HPSE2: variants seen among roughly 807,000 people sequenced by gnomAD.
HPSE2 encodes inactive heparanase-2.
HPSE2 carries 38 observed loss-of-function variants against 60.5 expected under a neutral mutation model. The observed-to-expected ratio is 0.63, with a 90% CI of 0.48 to 0.82. The LOEUF is 0.82. HPSE2 is among the 40% of genes least tolerant of loss of function. HPSE2 has a pLI of 0.00. For missense variants in HPSE2, 713 were observed against 740.4 expected, an observed-to-expected ratio of 0.96 and a Z score of 0.43; for synonymous variants, 295 against 293.2, an observed-to-expected ratio of 1.01 and a Z score of -0.06.
At chr10:98,470,863 C>T (rs1429051763) in intron 11 of HPSE2, among the ~76,000 whole-genome samples, 1 of 152,104 alleles carries the variant, frequency 6.6e-6, no homozygotes, top group Non-Finnish European at 1.5e-5. Flanking sequence ...TGGGAGTGAA[C>T]TGGAGGAAAA....
intron 3 of HPSE2, among the ~76,000 whole-genome samples, chr10:98,889,569 AAGACCAAATG>A (rs1443520563): frequency 1.3e-5 from 2 of 152,124 alleles, no homozygotes; most frequent in Non-Finnish European, 2.9e-5. Context: ...TCTATTGGCA[AAGACCAAATG>A]AGAGCAAGAA....
At chr10:98,701,498 G>T (rs1299538355) in intron 5 of HPSE2, among the ~76,000 whole-genome samples, 2 of 109,872 alleles carry the variant, frequency 1.8e-5, no homozygotes, top group Admixed American at 1.1e-4. Context: ...TGTGGGGTGG[G>T]GGGAGGGGGG....
At chr10:98,644,033 A>G (rs897559934) in intron 6 of HPSE2, among the ~76,000 whole-genome samples, 1 of 152,206 alleles carries the variant, frequency 6.6e-6, no homozygotes, top group Non-Finnish European at 1.5e-5. Flanking sequence ...GTAATTTTTC[A>G]GTAGGTAGGA....
At chr10:98,517,960 CTTGA>C (rs1942657278) in intron 9 of HPSE2, among the ~76,000 whole-genome samples, 1 of 152,216 alleles carries the variant, frequency 6.6e-6, no homozygotes, top group South Asian at 2.1e-4. Context: ...TCCTTCAATG[CTTGA>C]TTATTACCCA....
intron 3 of HPSE2, among the ~76,000 whole-genome samples, chr10:99,044,389 C>T (rs1957808210): frequency 6.6e-6 from 1 of 152,186 alleles, no homozygotes; most frequent in Non-Finnish European, 1.5e-5. Flanking sequence ...ACAACACCTG[C>T]TACCACATAA....
rs571092988 is a variant in HPSE2 at position 98,482,510 on chromosome 10, G to A, written c.1613+126C>T. 93 of 1,170,786 alleles carry A rather than the reference G, an allele frequency of 7.9e-5. 1 individual carries two copies. The African/African-American group carries it at 8.7e-4, about 11-fold the overall frequency. 72.5% of individuals were successfully genotyped at this position (1,170,786 alleles called of 1,614,324 possible). On this transcript the variant is annotated intron_variant, in intron 11 of 11. Coordinates refer to ENST00000370552, the MANE Select transcript of HPSE2 (RefSeq NM_021828.5). ...GTCAGCAGTCACCTGACCCCAGACC[G>A]CTCTTTGTCCTACTCCATCCCACTG...
intron 3 of HPSE2, among the ~76,000 whole-genome samples, chr10:98,756,223 G>A (rs186635646): frequency 6.6e-6 from 1 of 152,086 alleles, no homozygotes; most frequent in Admixed American, 6.5e-5. Flanking sequence ...GAAAAAGGTA[G>A]AAATGCCTCA....
intron 3 of HPSE2, among the ~76,000 whole-genome samples, chr10:99,132,218 AGAGAGAGAGAGAGAGAGAGAGAG>A (rs2135741331): frequency 2.7e-5 from 1 of 37,048 alleles, no homozygotes; most frequent in African/African-American, 4.7e-5. Flanking sequence ...AGAGAGAGAG[AGAGAGAGAGAGAGAGAGAGAGAG>A]AGAAAGAAAG....
chr10:98,492,933 G>T (rs577723995), intron 9 of HPSE2, among the ~76,000 whole-genome samples: 11 of 152,152 alleles, frequency 7.2e-5, no homozygotes, highest in African/African-American at 2.2e-4. Flanking sequence ...TCTATAACTT[G>T]TCATCTTGTA....
chr10:98,809,910 C>T (rs955093949), intron 3 of HPSE2, among the ~76,000 whole-genome samples: 34 of 152,102 alleles, frequency 2.2e-4, no homozygotes, highest in Admixed American at 2.2e-3. Context: ...AAAGGTTTTA[C>T]TTAATTCTTT....
intron 2 of HPSE2, among the ~76,000 whole-genome samples, chr10:99,227,364 A>G (rs1849505229): frequency 6.6e-6 from 1 of 152,104 alleles, no homozygotes; most frequent in Non-Finnish European, 1.5e-5. Flanking sequence ...TAGACTAACA[A>G]AGAAAAGCAA....
chr10:99,217,993 G>A (rs1487863036), intron 2 of HPSE2, among the ~76,000 whole-genome samples: 1 of 152,012 alleles, frequency 6.6e-6, no homozygotes, highest in African/African-American at 2.4e-5. Flanking sequence ...AATAGTAGCT[G>A]CCTCGTTGGG....
intron 2 of HPSE2, 117 bp downstream of exon 2, chr10:99,232,231 A>G (rs1187982699): frequency 4.0e-5 from 49 of 1,227,916 alleles, no homozygotes; most frequent in Admixed American, 1.0e-4. Context: ...ACACACACAC[A>G]CACACACACA....
At chr10:99,073,843 T>G (rs546459039) in intron 3 of HPSE2, among the ~76,000 whole-genome samples, 63 of 152,244 alleles carry the variant, frequency 4.1e-4, no homozygotes, top group Non-Finnish European at 1.5e-5. Flanking sequence ...AATACCTTTT[T>G]GGATAGTTCA....
intron 3 of HPSE2, among the ~76,000 whole-genome samples, chr10:98,889,414 C>T (rs1410935103): frequency 2.0e-5 from 3 of 150,092 alleles, no homozygotes; most frequent in Non-Finnish European, 1.5e-5. Context: ...GCCATTGTTG[C>T]CCAGGCTGGT....
chr10:99,278,275 T>A, the HPSE2 span, among the ~76,000 whole-genome samples: 1 of 152,178 alleles, frequency 6.6e-6, no homozygotes, highest in African/African-American at 2.4e-5. Flanking sequence ...TTTATAGTGT[T>A]CTATATTTCC....
intron 5 of HPSE2, among the ~76,000 whole-genome samples, chr10:98,695,870 G>A (rs1218442232): frequency 6.6e-6 from 1 of 152,140 alleles, no homozygotes; most frequent in East Asian, 1.9e-4. Flanking sequence ...GACTCATGCA[G>A]TATTTGCCTT....
intron 3 of HPSE2, among the ~76,000 whole-genome samples, chr10:98,749,136 A>C (rs1418123131): frequency 1.3e-5 from 2 of 152,128 alleles, no homozygotes. Flanking sequence ...CTATTAGGAA[A>C]ATGTAGATAA....
chr10:98,606,829 T>A (rs553779766), intron 9 of HPSE2, among the ~76,000 whole-genome samples: 4 of 152,168 alleles, frequency 2.6e-5, no homozygotes, highest in African/African-American at 9.6e-5. Flanking sequence ...AAAACCATAA[T>A]TGAGTTAGAA....
Sources: allele counts gnomAD v4.1 joint callset (sites outside exome capture counted in the v4.1 genomes callset), GRCh38; gene constraint gnomAD v4.1.1; transcripts MANE v1.5; gene names NCBI Gene and HGNC (gene_info 2026-07-23, HGNC 2026-07-21).